Variants in GALNT18 observed in about 807,000 individuals in gnomAD.
The protein encoded by GALNT18 is GalNAc-transferase 18.
GALNT18 carries 44 observed loss-of-function variants against 69.5 expected under a neutral mutation model. The ratio of observed to expected loss-of-function variants is 0.63; its 90% confidence interval spans 0.50 to 0.81. The LOEUF is 0.81. Among genes scored for constraint, GALNT18 ranks in the 40% least tolerant of loss-of-function variants. The pLI is 0.00. For synonymous variants in GALNT18, 364 were observed against 318.2 expected (o/e 1.14, Z -1.53); for missense variants, 715 against 810.0 (o/e 0.88, Z 1.42).
At chr11:11,520,928 C>CT (rs34263927) in intron 1 of GALNT18, among the ~76,000 whole-genome samples, 31,245 of 151,958 alleles carry the variant, frequency 0.21, 3,780 homozygotes, top group Non-Finnish European at 0.25. Flanking sequence ...TGGCAGGGAT[C>CT]GGGAAGCACA....
At position 11,563,887 on chromosome 11, in the gene GALNT18, C is replaced by T. The variant is rs568913010; in HGVS notation, c.235+57472G>A. ...GGGAGCAAATTTTTGCAAAGCTCCC[C>T]AAAGCATTTTGAGTTCTGAAAGCAA... On this transcript the variant is annotated intron_variant, in intron 1 of 10. Coordinates refer to ENST00000227756, the MANE Select transcript of GALNT18 (RefSeq NM_198516.3). This position sits in a 1 kb window ranked among gnomAD's most constrained non-coding sequence, Gnocchi z 4.6. Among the ~76,000 whole-genome samples, 1 of 152,158 alleles carries T rather than the reference C, an allele frequency of 6.6e-6. No homozygotes were observed. The highest frequency in any genetic ancestry group is 1.5e-5 in the Non-Finnish European group (1 of 68,000).
At chr11:11,368,851 G>A (rs1447521382) in intron 6 of GALNT18, among the ~76,000 whole-genome samples, 1 of 152,206 alleles carries the variant, frequency 6.6e-6, no homozygotes, top group Non-Finnish European at 1.5e-5. Flanking sequence ...TGATTTTGCT[G>A]CTGTTTCCTC....
chr11:11,518,933 C>T (rs1857338594), intron 1 of GALNT18, among the ~76,000 whole-genome samples: 2 of 152,222 alleles, frequency 1.3e-5, no homozygotes, highest in African/African-American at 4.8e-5. Flanking sequence ...TCTTCTGTCC[C>T]CTTTCCACTC....
Position 11,616,630 on chromosome 11 carries a change from T to C in GALNT18, c.235+4729A>G, listed in dbSNP as rs2133972657. Among the ~76,000 whole-genome samples the C allele has an allele frequency of 6.6e-6, 1 of 152,374 alleles. No individual in the cohort carries two copies. The highest frequency in any genetic ancestry group is 1.9e-4 in the East Asian group (1 of 5,190). On this transcript the variant is annotated intron_variant, in intron 1 of 10. Coordinates refer to ENST00000227756, the MANE Select transcript of GALNT18 (RefSeq NM_198516.3). The surrounding 1 kb of genome is among the most constrained non-coding windows in gnomAD (Gnocchi z 4.4). ...AAAAGTTCTCTTTAGAAACTCTCCA[T>C]TTAATCAATTCTCCAGATTAACTAT...
At position 11,415,567 on chromosome 11, in the gene GALNT18, T is replaced by C. The variant is rs564438315; in HGVS notation, c.595+17054A>G. On this transcript the variant is annotated intron_variant, in intron 3 of 10. Coordinates refer to ENST00000227756, the MANE Select transcript of GALNT18 (RefSeq NM_198516.3). The surrounding 1 kb of genome is among the most constrained non-coding windows in gnomAD (Gnocchi z 4.1). ...AGGAGAGCCATATTGAACCTGGAGC[T>C]GGGAAATGTGGGCACAAACCCTAGC... Among the ~76,000 whole-genome samples, 8 of 152,252 alleles carry C rather than the reference T, an allele frequency of 5.3e-5. No individual in the cohort carries two copies. Among genetic ancestry groups the C allele is most frequent in the South Asian group, 2.1e-4 (1 of 4,808 alleles).
intron 1 of GALNT18, among the ~76,000 whole-genome samples, chr11:11,599,343 A>C (rs1005492168): frequency 1.3e-5 from 2 of 152,048 alleles, no homozygotes; most frequent in South Asian, 4.1e-4. Context: ...TATCATTATA[A>C]AATTTTGCTC....
intron 3 of GALNT18, among the ~76,000 whole-genome samples, chr11:11,409,437 G>A (rs1248675265): frequency 6.6e-6 from 1 of 152,080 alleles, no homozygotes; most frequent in East Asian, 1.9e-4. Flanking sequence ...AGAGAGTTTG[G>A]GACTCCACCC....
chr11:11,502,488 G>A (rs78868651), intron 1 of GALNT18, among the ~76,000 whole-genome samples: 2,468 of 152,364 alleles, frequency 0.016, 24 homozygotes, highest in Non-Finnish European at 0.022. Context: ...GAGAGAGCCA[G>A]GAAGCAAACA....
chr11:11,522,574 GACTGGT>G (rs1857424827), intron 1 of GALNT18, among the ~76,000 whole-genome samples: 1 of 152,144 alleles, frequency 6.6e-6, no homozygotes, highest in South Asian at 2.1e-4. Context: ...GAAGACCTCT[GACTGGT>G]CCATGCCACA....
At chr11:11,527,367 G>C (rs960422524) in intron 1 of GALNT18, among the ~76,000 whole-genome samples, 5 of 152,122 alleles carry the variant, frequency 3.3e-5, no homozygotes, top group Non-Finnish European at 5.9e-5. Flanking sequence ...GCAGATACTT[G>C]TTTGCCTTTC....
At chr11:11,295,041 C>A (rs984627301) in intron 9 of GALNT18, among the ~76,000 whole-genome samples, 5 of 152,184 alleles carry the variant, frequency 3.3e-5, no homozygotes, top group African/African-American at 1.2e-4. Flanking sequence ...CTTGCTTTAG[C>A]AAAAGAGGGT....
chr11:11,429,998 C>A (rs139975145), intron 3 of GALNT18, among the ~76,000 whole-genome samples: 448 of 152,006 alleles, frequency 2.9e-3, no homozygotes, highest in African/African-American at 0.01. Context: ...AACATTAGCC[C>A]GGCATGGTGG....
At chr11:11,529,894 C>T (rs1417914808) in intron 1 of GALNT18, among the ~76,000 whole-genome samples, 1 of 152,140 alleles carries the variant, frequency 6.6e-6, no homozygotes, top group South Asian at 2.1e-4. Flanking sequence ...GGCTTTCATA[C>T]TCAGTATGAA....
chr11:11,284,388 G>A (rs185048229), intron 10 of GALNT18, among the ~76,000 whole-genome samples: 56 of 152,288 alleles, frequency 3.7e-4, no homozygotes, highest in Admixed American at 6.5e-4. Flanking sequence ...CTAGGTCTGA[G>A]ATAAGGCCTG....
At chr11:11,288,992 A>G (rs1433817063) in intron 10 of GALNT18, among the ~76,000 whole-genome samples, 1 of 152,184 alleles carries the variant, frequency 6.6e-6, no homozygotes, top group African/African-American at 2.4e-5. Context: ...TTTGAAATGC[A>G]CCCAGTAAAA....
At position 11,603,222 on chromosome 11, in the gene GALNT18, C is replaced by T. The variant is rs1859674518; in HGVS notation, c.235+18137G>A. On this transcript the variant is annotated intron_variant, in intron 1 of 10. Coordinates refer to ENST00000227756, the MANE Select transcript of GALNT18 (RefSeq NM_198516.3). This position sits in a 1 kb window ranked among gnomAD's most constrained non-coding sequence, Gnocchi z 4.5. ...CTGTAAACAAATAATACCCAACAGC[C>T]AAGACTAAGTGTTGCCACATAAGAA... Among the ~76,000 whole-genome samples, 1 of 152,132 alleles carries T rather than the reference C, an allele frequency of 6.6e-6. No individual in the cohort carries two copies. The highest frequency in any genetic ancestry group is 2.4e-5 in the African/African-American group (1 of 41,416).
rs1860057337 is a variant in GALNT18, at chr11:11,616,624, T to A, written c.235+4735A>T. 6.6e-6 allele frequency among the ~76,000 whole-genome samples: 1 copy of A among 152,228 alleles called. No homozygotes were observed. The highest frequency in any genetic ancestry group is 1.5e-5 in the Non-Finnish European group (1 of 68,044). ...TACAGTAAAAGTTCTCTTTAGAAAC[T>A]CTCCATTTAATCAATTCTCCAGATT... On this transcript the variant is annotated intron_variant, in intron 1 of 10. Transcript: ENST00000227756. This position sits in a 1 kb window ranked among gnomAD's most constrained non-coding sequence, Gnocchi z 4.4.
intron 9 of GALNT18, among the ~76,000 whole-genome samples, chr11:11,321,273 C>T (rs945571797): frequency 6.6e-6 from 1 of 152,192 alleles, no homozygotes; most frequent in African/African-American, 2.4e-5. Context: ...TGGTCAGAAC[C>T]ATCCTTACCT....
intron 1 of GALNT18, among the ~76,000 whole-genome samples, chr11:11,455,639 C>T (rs1162322166): frequency 1.3e-5 from 2 of 151,976 alleles, no homozygotes; most frequent in African/African-American, 4.9e-5. Flanking sequence ...AGAGCCTCAG[C>T]AGGCTGGGGG....
Sources: gnomAD v4.1 joint callset for allele counts (sites outside exome capture counted in the v4.1 genomes callset) on GRCh38, gnomAD v4.1.1 for gene constraint, Gnocchi (gnomAD v3.1) non-coding constraint, MANE v1.5 for transcripts, NCBI Gene and HGNC (gene_info 2026-07-23, HGNC 2026-07-21) for gene names.